Variants in DOCK2 observed in about 807,000 individuals in gnomAD.
DOCK2 encodes the protein dedicator of cytokinesis 2, also known as dedicator of cytokinesis protein 2.
A neutral mutation model predicts 248.9 loss-of-function variants in DOCK2; 87 were observed. The observed-to-expected ratio is 0.35, with a 90% CI of 0.29 to 0.42. The LOEUF (loss-of-function observed/expected upper bound fraction) is 0.42. Ranked by LOEUF, DOCK2 falls within the 10% of genes least tolerant of loss-of-function variation. The probability of loss-of-function intolerance (pLI) is 1.00; values close to 1 mark genes in which losing one functional copy is unlikely to be tolerated. For synonymous variants in DOCK2, 805 were observed against 821.6 expected (o/e 0.98, Z 0.35); for missense variants, 1,747 against 2,300.2 (o/e 0.76, Z 4.92).
Position 169,714,034 on chromosome 5 carries a change from A to T in DOCK2, c.1666A>T (p.Ser556Cys), listed in dbSNP as rs199853621. The T allele has an allele frequency of 1.3e-6, 2 of 1,596,122 alleles. No homozygotes were observed. Among genetic ancestry groups the T allele is most frequent in the East Asian group, 4.5e-5 (2 of 44,534 alleles). ...AACCAAGTGTTGTTTCCAGGGGGAC[A>T]GCAAGAAGATGGAGGATGCCAGCGC... The part of the protein sequence containing the change: ...FHDLVVLKGD[S>C]KKMEDASAYL... Residue 556 changes from serine (S) to cysteine (C), a missense_variant, in exon 18 of 52, where the codon AGC becomes TGC. Physicochemically the swap from Ser to Cys is moderately radical, Grantham distance 112 (BLOSUM62 -1). Coordinates refer to ENST00000520908, the MANE Select transcript of DOCK2 (RefSeq NM_004946.3).
chr5:169,945,101 G>A (rs74500423), intron 27 of DOCK2, among the ~76,000 whole-genome samples: 2 of 152,304 alleles, frequency 1.3e-5, no homozygotes, highest in East Asian at 1.9e-4. Context: ...TTAGGGAACC[G>A]ACTGTGGTTT....
chr5:169,698,229 C>T (rs562707657), intron 10 of DOCK2, 145 bp from the exon 11 acceptor site: 20 of 661,976 alleles, frequency 3.0e-5, no homozygotes, highest in Non-Finnish European at 5.1e-5. Flanking sequence ...GAGTGTTGTG[C>T]AGCACTGGCT....
At chr5:169,943,270 A>G (rs1308407160) in intron 27 of DOCK2, among the ~76,000 whole-genome samples, 3 of 152,174 alleles carry the variant, frequency 2.0e-5, no homozygotes, top group Non-Finnish European at 4.4e-5. Flanking sequence ...AAGAAAACCC[A>G]GGATTCTGGG....
At chr5:169,781,834 G>C (rs1176771355) in intron 25 of DOCK2, among the ~76,000 whole-genome samples, 1 of 152,110 alleles carries the variant, frequency 6.6e-6, no homozygotes, top group Non-Finnish European at 1.5e-5. Context: ...CCTTTTGCAG[G>C]TGGATGTTTC....
At chr5:169,761,432 A>T in intron 24 of DOCK2, 87 bp from the exon 25 acceptor site, 1 of 1,084,038 alleles carries the variant, frequency 9.2e-7, no homozygotes, top group Non-Finnish European at 1.4e-6. Flanking sequence ...TCCCAGAGCT[A>T]GAGGTCCAGG....
chr5:169,655,663 A>G (rs1373112231), intron 2 of DOCK2, among the ~76,000 whole-genome samples: 1 of 152,194 alleles, frequency 6.6e-6, no homozygotes, highest in Non-Finnish European at 1.5e-5. Context: ...GATTTGTACA[A>G]GGATGCTTGT....
intron 26 of DOCK2, among the ~76,000 whole-genome samples, chr5:169,813,390 G>T (rs1767875801): frequency 6.6e-6 from 1 of 152,176 alleles, no homozygotes. Flanking sequence ...CTGCTGCTGT[G>T]CCTTGAAATC....
chr5:170,015,519 C>G (rs1259738613), intron 32 of DOCK2, among the ~76,000 whole-genome samples: 4 of 152,106 alleles, frequency 2.6e-5, no homozygotes, highest in Non-Finnish European at 5.9e-5. Flanking sequence ...GAGCAAAGAT[C>G]GGTGGATCTG....
intron 17 of DOCK2, among the ~76,000 whole-genome samples, chr5:169,712,823 G>C (rs1157976054): frequency 6.6e-6 from 1 of 152,182 alleles, no homozygotes; most frequent in African/African-American, 2.4e-5. Context: ...TATGAGACTT[G>C]GACTGTTTTT....
chr5:169,973,465 C>T (rs1184229989), intron 27 of DOCK2, among the ~76,000 whole-genome samples: 2 of 152,178 alleles, frequency 1.3e-5, no homozygotes, highest in Non-Finnish European at 2.9e-5. Context: ...CATGTGTCTT[C>T]TACCTTCATC....
At chr5:169,651,658 G>A (rs1757811916) in intron 1 of DOCK2, among the ~76,000 whole-genome samples, 1 of 152,204 alleles carries the variant, frequency 6.6e-6, no homozygotes, top group Admixed American at 6.5e-5. Flanking sequence ...TGAAAGAGCA[G>A]GGAGCAGAGT....
chr5:169,645,827 A>C (rs1264761669), intron 1 of DOCK2, among the ~76,000 whole-genome samples: 1 of 152,068 alleles, frequency 6.6e-6, no homozygotes, highest in Admixed American at 6.6e-5. Context: ...GGCTCACTGC[A>C]AGCTCCACCT....
chr5:169,756,182 G>A (rs1225118463), intron 23 of DOCK2, among the ~76,000 whole-genome samples: 1 of 152,202 alleles, frequency 6.6e-6, no homozygotes, highest in Admixed American at 6.5e-5. Context: ...GGGAAGATGG[G>A]CTTCTTCTGA....
chr5:169,952,843 AAGATGGAC>A (rs1776716796), intron 27 of DOCK2, among the ~76,000 whole-genome samples: 1 of 152,198 alleles, frequency 6.6e-6, no homozygotes, highest in Non-Finnish European at 1.5e-5. Flanking sequence ...AATGAATGGA[AAGATGGAC>A]AGATACCTAG....
intron 27 of DOCK2, chr5:169,883,951 C>G: frequency 7.0e-7 from 1 of 1,422,754 alleles, no homozygotes; most frequent in Non-Finnish European, 9.3e-7. Flanking sequence ...GCACATCTCC[C>G]CTTAGGTCTT....
rs79217882 is a variant in DOCK2 at position 169,828,296 on chromosome 5, T to C, written c.2704-12461T>C. Among the ~76,000 whole-genome samples, 896 of 152,312 alleles carry C rather than the reference T, an allele frequency of 5.9e-3. 9 individuals carry two copies. The highest frequency in any genetic ancestry group is 0.02 in the African/African-American group (840 of 41,578). On this transcript the variant is annotated intron_variant, in intron 26 of 51. Coordinates refer to ENST00000520908, the MANE Select transcript of DOCK2 (RefSeq NM_004946.3). The stretch of plus-strand genomic sequence containing the variant: ...AGATTTTAAAACCTCCCTTTGCTAG[T>C]AGTTTTTCTAAAGTTTCTGGTAGAA...
intron 9 of DOCK2, among the ~76,000 whole-genome samples, chr5:169,691,292 T>G (rs1760283206): frequency 6.6e-6 from 1 of 152,112 alleles, no homozygotes; most frequent in African/African-American, 2.4e-5. Context: ...TCCAATCACC[T>G]CCCATCAGGC....
chr5:169,723,183 G>A (rs1314501152), intron 22 of DOCK2, among the ~76,000 whole-genome samples: 1 of 152,072 alleles, frequency 6.6e-6, no homozygotes, highest in Non-Finnish European at 1.5e-5. Context: ...CTGATCTCCT[G>A]CTTCCACAAA....
At chr5:169,971,581 A>G (rs1777511800) in intron 27 of DOCK2, among the ~76,000 whole-genome samples, 1 of 152,236 alleles carries the variant, frequency 6.6e-6, no homozygotes, top group African/African-American at 2.4e-5. Flanking sequence ...CATGGGGATC[A>G]GCTTCATAAA....
Sources: allele counts gnomAD v4.1 joint callset (sites outside exome capture counted in the v4.1 genomes callset), GRCh38; gene constraint gnomAD v4.1.1; transcripts MANE v1.5; gene names NCBI Gene and HGNC (gene_info 2026-07-23, HGNC 2026-07-21).